The following PHF21B variants were observed in gnomAD, a reference collection of about 807,000 sequenced individuals.
PHF21B encodes the protein PHD finger protein 4.
Under a neutral mutation model 62.2 loss-of-function variants are expected in PHF21B, and 22 were observed. That is an observed-to-expected ratio of 0.35 (90% CI 0.25 to 0.51). The LOEUF (loss-of-function observed/expected upper bound fraction) is 0.51, where lower values mean the gene tolerates loss of function less well. PHF21B is among the 20% of genes least tolerant of loss of function. PHF21B has a pLI of 0.97. For synonymous variants in PHF21B, 341 were observed against 314.7 expected (o/e 1.08, Z -0.88); for missense variants, 701 against 707.9 (o/e 0.99, Z 0.11).
intron 2 of PHF21B, among the ~76,000 whole-genome samples, chr22:44,939,779 A>G (rs80078245): frequency 0.047 from 7,111 of 152,126 alleles, 206 homozygotes; most frequent in Non-Finnish European, 0.07. Context: ...AGGAAGAGGG[A>G]GACGGGTAGA....
intron 2 of PHF21B, among the ~76,000 whole-genome samples, chr22:44,943,252 CT>C (rs1297722307): frequency 6.6e-6 from 1 of 152,170 alleles, no homozygotes; most frequent in Non-Finnish European, 1.5e-5. Flanking sequence ...CACACAGTCC[CT>C]GTGCCTGTCC....
At chr22:45,003,979 A>C (rs1298070276) in intron 2 of PHF21B, among the ~76,000 whole-genome samples, 1 of 152,002 alleles carries the variant, frequency 6.6e-6, no homozygotes, top group Non-Finnish European at 1.5e-5. Context: ...ACACACACAC[A>C]TACATATATA....
chr22:44,919,667 T>C (rs1425152356), intron 3 of PHF21B, among the ~76,000 whole-genome samples: 1 of 152,242 alleles, frequency 6.6e-6, no homozygotes, highest in Non-Finnish European at 1.5e-5. Context: ...TGGCCCAGTA[T>C]GCTATATACA....
intron 2 of PHF21B, among the ~76,000 whole-genome samples, chr22:44,944,309 T>C (rs2072020895): frequency 6.6e-6 from 1 of 152,190 alleles, no homozygotes; most frequent in Non-Finnish European, 1.5e-5. Flanking sequence ...ATCTTATTTC[T>C]GGGGCCTCAA....
At chr22:44,896,883 T>TTTTTTTTTTTTTTTTTTTTTTTTTTTG in intron 5 of PHF21B, among the ~76,000 whole-genome samples, 1 of 132,318 alleles carries the variant, frequency 7.6e-6, no homozygotes, top group Non-Finnish European at 1.6e-5. Context: ...TTTATCTGTT[T>TTTTTTTTTTTTTTTTTTTTTTTTTTTG]TTTTTTTTTT....
intron 5 of PHF21B, among the ~76,000 whole-genome samples, chr22:44,903,373 T>C (rs141558587): frequency 0.035 from 5,360 of 151,826 alleles, 302 homozygotes; most frequent in African/African-American, 0.12. Flanking sequence ...ATTGCACCAT[T>C]GGCTTGCTGC....
intron 1 of PHF21B, chr22:45,008,901 AGTGAGTGTGAGT>A (rs775985876): frequency 5.2e-6 from 6 of 1,151,190 alleles, no homozygotes; most frequent in Non-Finnish European, 5.3e-6. Context: ...TGCGTGTGCG[AGTGAGTGTGAGT>A]GTGAGTGTGT....
At chr22:44,899,410 C>A (rs900804530) in intron 5 of PHF21B, among the ~76,000 whole-genome samples, 2 of 151,568 alleles carry the variant, frequency 1.3e-5, no homozygotes, top group African/African-American at 4.9e-5. Context: ...CTTGCCTCAG[C>A]CTCCCAAGTA....
intron 9 of PHF21B, 90 bp downstream of exon 9, chr22:44,889,670 T>C: frequency 6.8e-6 from 10 of 1,463,520 alleles, no homozygotes; most frequent in Non-Finnish European, 6.4e-6. Flanking sequence ...CTCCGGGCTC[T>C]TTCCCTCTTT....
Position 45,008,614 on chromosome 22 carries a change from C to G in PHF21B, c.55-4G>C, listed in dbSNP as rs1411264054. 6.3e-7 allele frequency: 1 copy of G among 1,582,850 alleles called. No individual in the cohort carries two copies. Among genetic ancestry groups the G allele is most frequent in the Non-Finnish European group, 8.6e-7 (1 of 1,165,118 alleles). On this transcript the variant is annotated splice_polypyrimidine_tract_variant and splice_region_variant and intron_variant, in intron 1 of 12. Coordinates refer to ENST00000313237, the MANE Select transcript of PHF21B (RefSeq NM_138415.5). ...GCTGCTTCTTGAGGTCGCCGTTCTG[C>G]GGAAACACGGAGGAGCGGGCTCAGG...
chr22:44,901,610 C>A, intron 5 of PHF21B: 1 of 357,694 alleles, frequency 2.8e-6, no homozygotes, highest in Non-Finnish European at 5.0e-6. Context: ...AAGTTGGATA[C>A]TGAGGAGAAG....
intron 5 of PHF21B, among the ~76,000 whole-genome samples, chr22:44,905,775 C>T (rs1371314693): frequency 6.6e-6 from 1 of 152,174 alleles, no homozygotes; most frequent in Non-Finnish European, 1.5e-5. Context: ...ACTACAGGCA[C>T]CCGCCACCAG....
In PHF21B at chr22:45,009,241, G is replaced by A. The variant is rs1601709529; in HGVS notation, c.54+255C>T. On this transcript the variant is annotated intron_variant, in intron 1 of 12. Coordinates refer to ENST00000313237, the MANE Select transcript of PHF21B (RefSeq NM_138415.5). This position sits in a 1 kb window ranked among gnomAD's most constrained non-coding sequence, Gnocchi z 5.9. ...CTCCCAGTCATGCAGACCCTACATC[G>A]CTTAAGAGAAGACTCCAGGCTCGGG... 2.0e-6 allele frequency: 1 copy of A among 505,594 alleles called. No individual in the cohort carries two copies. The highest frequency in any genetic ancestry group is 3.7e-5 in the East Asian group (1 of 27,056). The allele number at this position is 505,594 out of a possible 1,614,324, so 31.3% of individuals were successfully genotyped here.
At chr22:44,897,352 T>C (rs576681753) in intron 5 of PHF21B, among the ~76,000 whole-genome samples, 2 of 152,134 alleles carry the variant, frequency 1.3e-5, no homozygotes, top group East Asian at 1.9e-4. Flanking sequence ...GTGGGCAGGA[T>C]TGAAAATACC....
chr22:44,999,889 C>T (rs2350228), intron 2 of PHF21B, among the ~76,000 whole-genome samples: 121,005 of 151,862 alleles, frequency 0.8, 48,398 homozygotes, highest in East Asian at 0.92. Flanking sequence ...CGTCAGGACA[C>T]GTCATCAGTC....
In PHF21B at chr22:44,942,157, G is replaced by A. The variant is rs138899881; in HGVS notation, c.121-21667C>T. Among the ~76,000 whole-genome samples, 207 of 152,322 alleles carry A rather than the reference G, an allele frequency of 1.4e-3. 1 individual carries two copies. Among genetic ancestry groups the A allele is most frequent in the African/African-American group, 4.3e-3 (177 of 41,580 alleles). On this transcript the variant is annotated intron_variant, in intron 2 of 12. Coordinates refer to ENST00000313237, the MANE Select transcript of PHF21B (RefSeq NM_138415.5). The stretch of plus-strand genomic sequence containing the variant: ...TTGTCCCAGCACCACCAAAGGGTCC[G>A]CCTTCTCCCTTTTCCCAGCCAGACT...
At chr22:44,973,854 G>A (rs1033985392) in intron 2 of PHF21B, among the ~76,000 whole-genome samples, 2 of 152,240 alleles carry the variant, frequency 1.3e-5, no homozygotes, top group African/African-American at 2.4e-5. Flanking sequence ...GGAAGTCAGG[G>A]AAGACTTCTT....
chr22:44,883,242 G>T lies in PHF21B; in HGVS notation c.1440C>A (p.Asp480Glu). 6.2e-7 allele frequency: 1 copy of T among 1,613,946 alleles called. No homozygotes were observed. The highest frequency in any genetic ancestry group is 8.5e-7 in the Non-Finnish European group (1 of 1,179,974). ...TCAGTCTCAGGAGGGCCCGCAGGCG[G>T]TCCAGGGATGACTGGGTGCCCCTCT... Reference protein sequence around the residue: ...ARQRGTQSSLDRLRALLRLIQ... With the variant: ...ARQRGTQSSLERLRALLRLIQ... The change falls in exon 13 of 13, where the codon GAC becomes GAA. Residue 480 changes from aspartate to glutamate, a missense_variant. Asp to Glu is a conservative substitution (Grantham distance 45). Transcript: ENST00000313237.
chr22:44,920,352 G>A, intron 3 of PHF21B, 46 bp downstream of exon 3: 2 of 1,495,566 alleles, frequency 1.3e-6, no homozygotes, highest in Non-Finnish European at 1.8e-6. Flanking sequence ...AGAGACTGCG[G>A]GGACAGACAG....
Sources: allele counts gnomAD v4.1 joint callset (sites outside exome capture counted in the v4.1 genomes callset), GRCh38; gene constraint gnomAD v4.1.1; non-coding constraint Gnocchi (gnomAD v3.1); transcripts MANE v1.5; gene names NCBI Gene and HGNC (gene_info 2026-07-23, HGNC 2026-07-21).